ZNF385D: variants seen among roughly 807,000 people sequenced by gnomAD.
ZNF385D encodes the protein zinc finger protein 385D, also known as zinc finger protein 659.
ZNF385D carries 15 observed loss-of-function variants against 35.8 expected under a neutral mutation model. The observed-to-expected ratio is 0.42, with a 90% confidence interval of 0.28 to 0.64. ZNF385D has a LOEUF of 0.64. ZNF385D is among the 30% of genes least tolerant of loss of function. The pLI is 0.23. For synonymous variants in ZNF385D, 212 were observed against 186.8 expected (o/e 1.13, Z -1.10); for missense variants, 474 against 494.6 (o/e 0.96, Z 0.39).
intron 2 of ZNF385D, among the ~76,000 whole-genome samples, chr3:22,224,182 A>G (rs985228439): frequency 1.3e-5 from 2 of 152,230 alleles, no homozygotes; most frequent in African/African-American, 4.8e-5. Context: ...AAATATAAGT[A>G]TAAATGAATT....
chr3:22,202,547 G>C (rs548699704), intron 2 of ZNF385D, among the ~76,000 whole-genome samples: 1 of 152,006 alleles, frequency 6.6e-6, no homozygotes. Flanking sequence ...ATACCAAATG[G>C]AACAACTTTC....
intron 3 of ZNF385D, among the ~76,000 whole-genome samples, chr3:22,095,052 C>T (rs1701539581): frequency 6.6e-6 from 1 of 150,944 alleles, no homozygotes; most frequent in African/African-American, 2.4e-5. Context: ...GGACTACAGA[C>T]ATGCATCACC....
At chr3:21,449,834 T>C (rs957067386) in intron 4 of ZNF385D, among the ~76,000 whole-genome samples, 3 of 152,156 alleles carry the variant, frequency 2.0e-5, no homozygotes, top group African/African-American at 7.2e-5. Flanking sequence ...AGGCCAAGAA[T>C]TCTAGCAGTC....
At chr3:22,324,365 A>C (rs1422162209) in intron 2 of ZNF385D, among the ~76,000 whole-genome samples, 1 of 152,180 alleles carries the variant, frequency 6.6e-6, no homozygotes, top group Admixed American at 6.5e-5. Flanking sequence ...TAGAGCTAGT[A>C]AGATATTTCA....
chr3:22,045,131 C>T (rs1698907820), intron 3 of ZNF385D, among the ~76,000 whole-genome samples: 1 of 151,626 alleles, frequency 6.6e-6, no homozygotes, highest in Non-Finnish European at 1.5e-5. Context: ...CCTATTTTTC[C>T]TTTTGTTCCC....
chr3:21,944,762 A>T (rs1243527032), intron 3 of ZNF385D, among the ~76,000 whole-genome samples: 5 of 152,160 alleles, frequency 3.3e-5, no homozygotes, highest in Non-Finnish European at 5.9e-5. Context: ...TGAAAATCAA[A>T]TTAAGATTAT....
At chr3:22,183,624 A>T (rs11718261) in intron 2 of ZNF385D, among the ~76,000 whole-genome samples, 19,282 of 152,156 alleles carry the variant, frequency 0.13, 1,610 homozygotes, top group Middle Eastern at 0.24. Flanking sequence ...CCGAGAATGG[A>T]AAGTTTTAAA....
rs138852773 is a variant in ZNF385D, at chr3:22,011,748, C to T, written c.325+157069G>A. 2.0e-3 allele frequency among the ~76,000 whole-genome samples: 300 copies of T among 152,066 alleles called. 2 individuals carry two copies. Among genetic ancestry groups the T allele is most frequent in the African/African-American group, 7.0e-3 (289 of 41,488 alleles). On this transcript the variant is annotated intron_variant, in intron 3 of 5. Coordinates refer to the ZNF385D transcript ENST00000494108. ...GGAAGGTGGGAAATTATTATTATCCCATTTAAGTTACTGAGATACATAGTG... is the reference window on the plus strand; with the variant it reads ...GGAAGGTGGGAAATTATTATTATCCTATTTAAGTTACTGAGATACATAGTG...
chr3:22,070,158 T>C (rs1700158947), intron 3 of ZNF385D, among the ~76,000 whole-genome samples: 1 of 152,154 alleles, frequency 6.6e-6, no homozygotes, highest in Non-Finnish European at 1.5e-5. Flanking sequence ...ATAAGCATCT[T>C]ATTTTCTAAC....
intron 2 of ZNF385D, among the ~76,000 whole-genome samples, chr3:22,263,041 A>G (rs938214742): frequency 9.9e-5 from 15 of 151,966 alleles, no homozygotes; most frequent in African/African-American, 3.1e-4. Context: ...TTCCACCTCC[A>G]GTATCATCAC....
intron 3 of ZNF385D, among the ~76,000 whole-genome samples, chr3:21,822,576 G>C (rs1694329653): frequency 6.6e-6 from 1 of 150,688 alleles, no homozygotes; most frequent in Non-Finnish European, 1.5e-5. Context: ...TCTAGTAGTA[G>C]GTATATACTA....
chr3:21,728,412 A>G (rs144553117), intron 1 of ZNF385D, among the ~76,000 whole-genome samples: 1 of 152,290 alleles, frequency 6.6e-6, no homozygotes, highest in Non-Finnish European at 1.5e-5. Context: ...ACCAGAACAC[A>G]GAGATTCAAG....
At chr3:22,230,516 C>G (rs1257244938) in intron 2 of ZNF385D, among the ~76,000 whole-genome samples, 6 of 152,084 alleles carry the variant, frequency 3.9e-5, no homozygotes, top group Non-Finnish European at 7.4e-5. Flanking sequence ...CATCAGACAC[C>G]CCTCCCTCTA....
rs11924171 is a variant in ZNF385D, at chr3:21,787,084, A to G, written c.326-122056T>C. 3.5e-3 allele frequency among the ~76,000 whole-genome samples: 532 copies of G among 152,324 alleles called. 6 individuals carry two copies. The highest frequency in any genetic ancestry group is 0.012 in the African/African-American group (496 of 41,580). On this transcript the variant is annotated intron_variant, in intron 3 of 5. Coordinates refer to the ZNF385D transcript ENST00000494108. ...AATAAGAGAGCAAACAATAATAGAT[A>G]AGTGATATCAAATCATTTTTGGAAG...
At chr3:21,516,745 T>C (rs142278460) in intron 3 of ZNF385D, among the ~76,000 whole-genome samples, 1 of 152,330 alleles carries the variant, frequency 6.6e-6, no homozygotes, top group East Asian at 1.9e-4. Flanking sequence ...TTATACATCT[T>C]AGTAAACTTT....
intron 3 of ZNF385D, among the ~76,000 whole-genome samples, chr3:21,822,129 T>C (rs1033574196): frequency 6.6e-6 from 1 of 152,102 alleles, no homozygotes; most frequent in African/African-American, 2.4e-5. Flanking sequence ...TGGAGTGCAG[T>C]CGTGTGATCT....
At chr3:22,268,321 C>T (rs771508710) in intron 2 of ZNF385D, among the ~76,000 whole-genome samples, 3 of 151,866 alleles carry the variant, frequency 2.0e-5, no homozygotes, top group Non-Finnish European at 4.4e-5. Context: ...TATATAATTG[C>T]AATAAATGTA....
chr3:21,776,349 T>C (rs1406384541), intron 3 of ZNF385D, among the ~76,000 whole-genome samples: 1 of 151,924 alleles, frequency 6.6e-6, no homozygotes, highest in Non-Finnish European at 1.5e-5. Context: ...TCAATTGCTC[T>C]CTCAAAAGAT....
At chr3:21,778,676 A>T (rs2071383140) in intron 3 of ZNF385D, among the ~76,000 whole-genome samples, 1 of 151,954 alleles carries the variant, frequency 6.6e-6, no homozygotes. Flanking sequence ...CAATACAAAA[A>T]GAGGACTATA....
Sources: gnomAD v4.1 joint callset for allele counts (sites outside exome capture counted in the v4.1 genomes callset) on GRCh38, gnomAD v4.1.1 for gene constraint, MANE v1.5 for transcripts, NCBI Gene and HGNC (gene_info 2026-07-23, HGNC 2026-07-21) for gene names.